Variants in PLXDC2 observed in about 807,000 individuals in gnomAD.
PLXDC2 encodes the protein plexin domain-containing protein 2.
A neutral mutation model predicts 68.9 loss-of-function variants in PLXDC2; 40 were observed. That is an observed-to-expected ratio of 0.58 (90% CI 0.45 to 0.76). PLXDC2 has a LOEUF of 0.76. PLXDC2 is among the 30% of genes least tolerant of loss of function. PLXDC2 has a pLI of 0.00. For missense variants in PLXDC2, 644 were observed against 661.9 expected (o/e 0.97, Z 0.30); for synonymous variants, 243 against 234.2 (o/e 1.04, Z -0.34).
intron 1 of PLXDC2, among the ~76,000 whole-genome samples, chr10:19,877,646 G>A (rs531457667): frequency 9.8e-5 from 15 of 152,360 alleles, no homozygotes; most frequent in Admixed American, 3.3e-4. Flanking sequence ...CTAGTGGATC[G>A]ATGAAGTAGA....
At chr10:20,189,476 C>CATATAGATATAT (rs1554773613) in intron 9 of PLXDC2, among the ~76,000 whole-genome samples, 1 of 75,808 alleles carries the variant, frequency 1.3e-5, no homozygotes, top group Non-Finnish European at 2.5e-5. Context: ...AAAGGTAGGC[C>CATATAGATATAT]ATATATATAT....
In PLXDC2 at chr10:20,213,748, G is replaced by A. The variant is rs531121722; in HGVS notation, c.1122+2019G>A. Among the ~76,000 whole-genome samples the A allele has an allele frequency of 4.2e-4, 64 of 152,104 alleles. No individual in the cohort carries two copies. The South Asian group carries it at 0.012, about 30-fold the overall frequency. On this transcript the variant is annotated intron_variant, in intron 10 of 13. Coordinates refer to ENST00000377252, the MANE Select transcript of PLXDC2 (RefSeq NM_032812.9). ...GGAAATTTTTCATGAACAAGTACAT[G>A]GGCATTTTGTACAAAGGGTCTATGT...
chr10:20,223,322 T>C (rs1366850254), intron 12 of PLXDC2, among the ~76,000 whole-genome samples: 1 of 150,252 alleles, frequency 6.7e-6, no homozygotes, highest in Non-Finnish European at 1.5e-5. Flanking sequence ...ATTTTTTTTT[T>C]TTTTTTTTGA....
intron 5 of PLXDC2, among the ~76,000 whole-genome samples, chr10:20,146,357 C>A (rs543104655): frequency 6.6e-6 from 1 of 150,916 alleles, no homozygotes; most frequent in East Asian, 2.0e-4. Context: ...TCTTTCTTTT[C>A]TTTTCTCCTT....
intron 1 of PLXDC2, among the ~76,000 whole-genome samples, chr10:19,919,068 G>A (rs1833416677): frequency 6.6e-6 from 1 of 152,152 alleles, no homozygotes; most frequent in Admixed American, 6.5e-5. Flanking sequence ...CTTGGATTTT[G>A]TACAATTGTA....
chr10:20,207,844 A>G (rs1049182796), intron 9 of PLXDC2, among the ~76,000 whole-genome samples: 2 of 132,818 alleles, frequency 1.5e-5, no homozygotes, highest in African/African-American at 5.5e-5. Flanking sequence ...CTTAACTTCA[A>G]TGGATCATGC....
chr10:19,999,849 C>G (rs534019471), intron 1 of PLXDC2, among the ~76,000 whole-genome samples: 39 of 152,308 alleles, frequency 2.6e-4, no homozygotes, highest in African/African-American at 9.1e-4. Context: ...CTGACACATT[C>G]TCAGGAAAAG....
chr10:20,215,151 A>T (rs1459862108), intron 10 of PLXDC2, among the ~76,000 whole-genome samples: 3 of 152,132 alleles, frequency 2.0e-5, no homozygotes, highest in Non-Finnish European at 4.4e-5. Flanking sequence ...ATTGAGATGG[A>T]GTTGTGAGGG....
chr10:19,833,175 T>C (rs980485763), intron 1 of PLXDC2, among the ~76,000 whole-genome samples: 2 of 152,200 alleles, frequency 1.3e-5, no homozygotes, highest in Non-Finnish European at 2.9e-5. Flanking sequence ...CATTAAGTGT[T>C]GGTTATTGAT....
At chr10:20,175,245 C>T (rs1240990025) in intron 7 of PLXDC2, among the ~76,000 whole-genome samples, 1 of 152,084 alleles carries the variant, frequency 6.6e-6, no homozygotes, top group Non-Finnish European at 1.5e-5. Context: ...ATCCTCAAAG[C>T]AATGCAGTAA....
At chr10:19,873,406 C>CTTTTTTTTTT in intron 1 of PLXDC2, among the ~76,000 whole-genome samples, 1 of 115,658 alleles carries the variant, frequency 8.6e-6, no homozygotes, top group Non-Finnish European at 1.8e-5. Context: ...TCTTCTTCGT[C>CTTTTTTTTTT]TTTTTTTTTT....
chr10:20,099,798 T>G (rs558544573), intron 4 of PLXDC2, among the ~76,000 whole-genome samples: 34 of 152,142 alleles, frequency 2.2e-4, no homozygotes, highest in African/African-American at 8.0e-4. Flanking sequence ...TTATGTTTAA[T>G]TGGTATCATA....
chr10:20,044,122 T>TCCTTCCTCCCTCCCTCCCTC (rs71388894), intron 2 of PLXDC2, among the ~76,000 whole-genome samples: 1 of 99,736 alleles, frequency 1.0e-5, no homozygotes, highest in African/African-American at 4.1e-5. Flanking sequence ...CTTCCTTCCT[T>TCCTTCCTCCCTCCCTCCCTC]CCTCCCTCCC....
chr10:19,894,161 T>C (rs1169444766), intron 1 of PLXDC2, among the ~76,000 whole-genome samples: 2 of 152,136 alleles, frequency 1.3e-5, no homozygotes, highest in African/African-American at 2.4e-5. Context: ...AAGGTACACC[T>C]TAATGAGAAA....
At chr10:19,835,811 G>A (rs750698074) in intron 1 of PLXDC2, among the ~76,000 whole-genome samples, 23 of 152,116 alleles carry the variant, frequency 1.5e-4, no homozygotes, top group Admixed American at 3.9e-4. Flanking sequence ...GTGGCAGATT[G>A]TGGTAGGGTA....
In PLXDC2 at chr10:20,285,604, A is replaced by G. The variant is rs576375451; in HGVS notation, c.*5785A>G. 17 of 152,200 alleles carry G rather than the reference A, an allele frequency of 1.1e-4. No individual in the cohort carries two copies. Among genetic ancestry groups the G allele is most frequent in the Non-Finnish European group, 2.4e-4 (16 of 68,022 alleles). The allele number at this position is 152,200 out of a possible 1,614,324, so 9.4% of individuals were successfully genotyped here. A position where few individuals can be genotyped will look rare whatever the true frequency, so the allele number is the denominator to read the frequency against. ...TTATCTGTGAGAAAAAAAGTTACTC[A>G]AAATTCTCCCTGACCTAAGAATACT... On this transcript the variant is annotated 3_prime_UTR_variant, in exon 14 of 14. Coordinates refer to ENST00000377252, the MANE Select transcript of PLXDC2 (RefSeq NM_032812.9).
At chr10:20,020,004 T>C (rs1336362793) in intron 2 of PLXDC2, among the ~76,000 whole-genome samples, 1 of 143,212 alleles carries the variant, frequency 7.0e-6, no homozygotes, top group African/African-American at 2.7e-5. Context: ...AAAATCTCTT[T>C]TCTTTTCTTG....
intron 1 of PLXDC2, among the ~76,000 whole-genome samples, chr10:19,997,528 C>T (rs1051278847): frequency 6.6e-6 from 1 of 152,152 alleles, no homozygotes; most frequent in African/African-American, 2.4e-5. Flanking sequence ...TTTCACCTGT[C>T]TTATGTGTGT....
chr10:20,246,747 TG>T (rs1327314353), intron 13 of PLXDC2, among the ~76,000 whole-genome samples: 1 of 152,214 alleles, frequency 6.6e-6, no homozygotes, highest in African/African-American at 2.4e-5. Context: ...AATCTTCTCT[TG>T]CAGAATTTCA....
Sources: allele counts gnomAD v4.1 joint callset (sites outside exome capture counted in the v4.1 genomes callset), GRCh38; gene constraint gnomAD v4.1.1; transcripts MANE v1.5; gene names NCBI Gene and HGNC (gene_info 2026-07-23, HGNC 2026-07-21).